Variants in BAIAP2L1 observed in about 807,000 individuals in gnomAD.
The protein encoded by BAIAP2L1 is BAR/IMD domain containing adaptor protein 2 like 1, also known as BAR/IMD domain-containing adapter protein 2-like 1.
In BAIAP2L1, 35 loss-of-function variants were observed where a neutral mutation model predicts 66.3. The ratio of observed to expected loss-of-function variants is 0.53; its 90% CI spans 0.40 to 0.70. The LOEUF (loss-of-function observed/expected upper bound fraction) is 0.70. Among genes scored for constraint, BAIAP2L1 ranks in the 30% least tolerant of loss-of-function variants. The probability of loss-of-function intolerance (pLI) is 0.00; values close to 1 mark genes in which losing one functional copy is unlikely to be tolerated. For synonymous variants in BAIAP2L1, 269 were observed against 248.7 expected (o/e 1.08, Z -0.77); for missense variants, 622 against 656.9 (o/e 0.95, Z 0.58).
intron 12 of BAIAP2L1, among the ~76,000 whole-genome samples, chr7:98,301,975 G>A (rs558673151): frequency 6.6e-6 from 1 of 152,278 alleles, no homozygotes; most frequent in East Asian, 1.9e-4. Context: ...GGGGACAGTG[G>A]TGTGCTTAAA....
chr7:98,352,619 G>A (rs1802024463), intron 3 of BAIAP2L1, among the ~76,000 whole-genome samples: 2 of 152,088 alleles, frequency 1.3e-5, no homozygotes, highest in South Asian at 4.1e-4. Flanking sequence ...TCCAGCCTAG[G>A]TGATGGAGTG....
At chr7:98,319,508 C>G (rs1474838020) in intron 5 of BAIAP2L1, among the ~76,000 whole-genome samples, 1 of 150,838 alleles carries the variant, frequency 6.6e-6, no homozygotes, top group Non-Finnish European at 1.5e-5. Flanking sequence ...ACAATGCTTT[C>G]TGGAAGCAGT....
intron 1 of BAIAP2L1, among the ~76,000 whole-genome samples, chr7:98,399,793 A>G (rs1803308682): frequency 6.6e-6 from 1 of 152,226 alleles, no homozygotes; most frequent in African/African-American, 2.4e-5. Flanking sequence ...AATACATGCA[A>G]GTTAAGAGAC....
intron 12 of BAIAP2L1, among the ~76,000 whole-genome samples, chr7:98,303,104 G>T (rs1181522732): frequency 1.3e-5 from 2 of 152,216 alleles, no homozygotes; most frequent in East Asian, 3.8e-4. Context: ...CATTTTGAAT[G>T]AAGTTTCAAA....
At chr7:98,338,995 C>T (rs1274812499) in intron 3 of BAIAP2L1, among the ~76,000 whole-genome samples, 1 of 151,718 alleles carries the variant, frequency 6.6e-6, no homozygotes, top group Non-Finnish European at 1.5e-5. Flanking sequence ...ATCGCTTGAA[C>T]CCAGGAGGCA....
At chr7:98,363,942 T>C (rs970878387) in intron 1 of BAIAP2L1, among the ~76,000 whole-genome samples, 9 of 152,230 alleles carry the variant, frequency 5.9e-5, no homozygotes, top group African/African-American at 1.7e-4. Context: ...GACCTTTCCA[T>C]AGCCCTGGTC....
rs553839769 is a variant in BAIAP2L1 at position 98,367,693 on chromosome 7, G to A, written c.52-5261C>T. Among the ~76,000 whole-genome samples the A allele has an allele frequency of 5.3e-5, 8 of 151,884 alleles. No individual in the cohort carries two copies. The South Asian group carries it at 8.3e-4, about 16-fold the overall frequency. On this transcript the variant is annotated intron_variant, in intron 1 of 13. Transcript: ENST00000005260. ...TGGGACTACAGGCACCCACCACCAC[G>A]CCCGGCTAATTTTTTGTATTTTTAG... is the stretch of plus-strand genomic sequence containing the variant.
intron 3 of BAIAP2L1, among the ~76,000 whole-genome samples, chr7:98,333,086 TC>T (rs1200266953): frequency 1.3e-5 from 2 of 152,006 alleles, no homozygotes; most frequent in African/African-American, 2.4e-5. Context: ...CCTGATGAGT[TC>T]CCCGCAGTGC....
At chr7:98,303,491 T>C (rs898077978) in intron 12 of BAIAP2L1, among the ~76,000 whole-genome samples, 6 of 152,232 alleles carry the variant, frequency 3.9e-5, no homozygotes, top group African/African-American at 1.4e-4. Flanking sequence ...CCTTGTGTTA[T>C]TCTCTGCATG....
intron 12 of BAIAP2L1, among the ~76,000 whole-genome samples, chr7:98,303,975 T>C (rs2116837623): frequency 6.6e-6 from 1 of 151,684 alleles, no homozygotes; most frequent in South Asian, 2.1e-4. Context: ...CAAGATAGAG[T>C]CCACATGAAA....
At chr7:98,389,328 AT>A (rs932671597) in intron 1 of BAIAP2L1, among the ~76,000 whole-genome samples, 4 of 151,132 alleles carry the variant, frequency 2.6e-5, no homozygotes, top group Admixed American at 2.0e-4. Flanking sequence ...CTTATTTTTT[AT>A]TTTTTTTGAG....
intron 3 of BAIAP2L1, among the ~76,000 whole-genome samples, chr7:98,321,395 C>T (rs563283951): frequency 1.1e-4 from 17 of 152,260 alleles, no homozygotes; most frequent in Non-Finnish European, 1.9e-4. Flanking sequence ...AAAATACTAA[C>T]GCCAGGGGAA....
At chr7:98,363,540 T>C (rs1282112872) in intron 1 of BAIAP2L1, among the ~76,000 whole-genome samples, 1 of 152,286 alleles carries the variant, frequency 6.6e-6, no homozygotes, top group East Asian at 1.9e-4. Context: ...CTAGGACAAG[T>C]ATAAGACAAA....
intron 3 of BAIAP2L1, among the ~76,000 whole-genome samples, chr7:98,346,250 G>C (rs944118554): frequency 6.6e-6 from 1 of 152,036 alleles, no homozygotes; most frequent in African/African-American, 2.4e-5. Flanking sequence ...CCAGCAGTTA[G>C]GAAATAAAAA....
intron 3 of BAIAP2L1, among the ~76,000 whole-genome samples, chr7:98,348,583 A>G (rs6465674): frequency 0.35 from 50,667 of 142,854 alleles, 9,871 homozygotes; most frequent in Middle Eastern, 0.53. Flanking sequence ...AAAAAAAAAA[A>G]AAAGAAAGAA....
At chr7:98,298,084 A>G (rs545583092) in intron 12 of BAIAP2L1, among the ~76,000 whole-genome samples, 2 of 152,230 alleles carry the variant, frequency 1.3e-5, no homozygotes, top group South Asian at 4.1e-4. Context: ...AAACTTAAAG[A>G]GATATCACGT....
At chr7:98,306,302 G>A (rs1004171208) in intron 11 of BAIAP2L1, 137 bp downstream of exon 11, 28 of 1,042,424 alleles carry the variant, frequency 2.7e-5, no homozygotes, top group Admixed American at 1.8e-4. Context: ...ACTGTGAGCC[G>A]CGGTCTCATC....
chr7:98,401,017 A>C lies in BAIAP2L1; in HGVS notation c.-165T>G. The C allele has an allele frequency of 2.0e-6, 1 of 500,034 alleles. No individual in the cohort carries two copies. The allele number at this position is 500,034 out of a possible 1,614,324, so 31.0% of individuals were successfully genotyped here. On this transcript the variant is annotated 5_prime_UTR_variant, in exon 1 of 14. Transcript: ENST00000005260. ...GCCCGCGCGCGTCTCCGCTGCGAAA[A>C]TGTCAAAACTTGCGGCAGCGCCGCC... is the stretch of plus-strand genomic sequence containing the variant.
At chr7:98,301,315 C>T (rs1161589971) in intron 12 of BAIAP2L1, among the ~76,000 whole-genome samples, 1 of 152,190 alleles carries the variant, frequency 6.6e-6, no homozygotes. Flanking sequence ...GCAGTCAGCA[C>T]TCAAACACGT....
Sources: gnomAD v4.1 joint callset for allele counts (sites outside exome capture counted in the v4.1 genomes callset) on GRCh38, gnomAD v4.1.1 for gene constraint, MANE v1.5 for transcripts, NCBI Gene and HGNC (gene_info 2026-07-23, HGNC 2026-07-21) for gene names.